Variants in SLC39A11 observed in about 807,000 individuals in gnomAD.
SLC39A11 encodes zinc transporter ZIP11.
In SLC39A11, 33 loss-of-function variants were observed where a neutral mutation model predicts 36.1. The observed-to-expected ratio is 0.91, with a 90% CI of 0.69 to 1.22. SLC39A11 has a LOEUF of 1.22. Among genes scored for constraint, SLC39A11 ranks in the 50% most tolerant of loss-of-function variants. The probability of loss-of-function intolerance (pLI) is 0.00; values close to 1 mark genes in which losing one functional copy is unlikely to be tolerated. For synonymous variants in SLC39A11, 166 were observed against 170.3 expected, an observed-to-expected ratio of 0.97 and a Z score of 0.20; for missense variants, 432 against 430.3, an observed-to-expected ratio of 1.00 and a Z score of -0.03.
intron 4 of SLC39A11, among the ~76,000 whole-genome samples, chr17:72,960,683 G>A (rs1353727187): frequency 1.3e-5 from 2 of 151,908 alleles, no homozygotes; most frequent in Non-Finnish European, 2.9e-5. Flanking sequence ...CGGGTATAGT[G>A]GCATATCTCT....
chr17:73,079,968 G>A (rs951478711), intron 3 of SLC39A11, among the ~76,000 whole-genome samples: 2 of 152,052 alleles, frequency 1.3e-5, no homozygotes, highest in Non-Finnish European at 2.9e-5. Context: ...TACAAGGACT[G>A]CTGAAAAGAA....
rs1374755044 is a variant in SLC39A11, at chr17:72,992,633, T to A, written c.306+38923A>T. Among the ~76,000 whole-genome samples the A allele has an allele frequency of 2.0e-5, 3 of 152,228 alleles. No individual in the cohort carries two copies. The South Asian group carries it at 6.2e-4, about 31-fold the overall frequency. Reference sequence around the variant, plus strand: ...TTGGCTTGAATTTAACTCTATAACGTCTTTTGTCACAGAGAAGTTTGTTTT... The same window carrying A: ...TTGGCTTGAATTTAACTCTATAACGACTTTTGTCACAGAGAAGTTTGTTTT... On this transcript the variant is annotated intron_variant, in intron 4 of 9. Transcript: ENST00000255559.
intron 6 of SLC39A11, among the ~76,000 whole-genome samples, chr17:72,798,431 T>TTTTTG (rs2076972351): frequency 6.6e-6 from 1 of 150,774 alleles, no homozygotes. Flanking sequence ...TTTTTTTTTT[T>TTTTTG]GAGATGGAGC....
intron 5 of SLC39A11, among the ~76,000 whole-genome samples, chr17:72,896,597 A>G (rs1458896219): frequency 1.3e-5 from 2 of 152,180 alleles, no homozygotes; most frequent in Non-Finnish European, 2.9e-5. Context: ...TTCTTCCTCA[A>G]AGAGTTCACA....
intron 7 of SLC39A11, among the ~76,000 whole-genome samples, chr17:72,677,543 G>A (rs553208642): frequency 7.2e-5 from 11 of 152,046 alleles, no homozygotes; most frequent in East Asian, 3.9e-4. Flanking sequence ...GAAGTGACGC[G>A]GCCATCTTTA....
At chr17:72,711,608 G>A (rs1350087495) in intron 7 of SLC39A11, among the ~76,000 whole-genome samples, 1 of 152,296 alleles carries the variant, frequency 6.6e-6, no homozygotes, top group East Asian at 1.9e-4. Flanking sequence ...CTACAGAACT[G>A]GCACTGTAAG....
intron 4 of SLC39A11, among the ~76,000 whole-genome samples, chr17:72,972,435 C>T (rs997428399): frequency 5.3e-5 from 8 of 152,120 alleles, no homozygotes; most frequent in African/African-American, 1.9e-4. Flanking sequence ...TATTTGTGTG[C>T]GTTGCCATCT....
intron 7 of SLC39A11, among the ~76,000 whole-genome samples, chr17:72,711,073 G>A (rs2073088456): frequency 6.6e-6 from 1 of 152,146 alleles, no homozygotes; most frequent in Admixed American, 6.6e-5. Flanking sequence ...TGTGGGTCCT[G>A]CCTACCTTTG....
intron 3 of SLC39A11, among the ~76,000 whole-genome samples, chr17:73,076,178 G>A (rs761533002): frequency 4.7e-5 from 7 of 148,142 alleles, no homozygotes; most frequent in Non-Finnish European, 7.4e-5. Flanking sequence ...AAAAAGTCAA[G>A]GCTAGACACA....
At chr17:72,861,598 G>A (rs1289563197) in intron 5 of SLC39A11, among the ~76,000 whole-genome samples, 1 of 136,260 alleles carries the variant, frequency 7.3e-6, no homozygotes, top group Non-Finnish European at 1.5e-5. Context: ...CAGACAGATG[G>A]ATAAGATATA....
At chr17:73,077,889 C>T (rs993745690) in intron 3 of SLC39A11, among the ~76,000 whole-genome samples, 1 of 152,076 alleles carries the variant, frequency 6.6e-6, no homozygotes, top group Non-Finnish European at 1.5e-5. Context: ...TGTTTCCTTT[C>T]TTGTTTTATT....
intron 4 of SLC39A11, among the ~76,000 whole-genome samples, chr17:73,028,251 G>A (rs553721793): frequency 1.4e-3 from 209 of 152,162 alleles, no homozygotes; most frequent in African/African-American, 4.9e-3. Context: ...TTCTAGCCCT[G>A]CTCCTACCCT....
intron 5 of SLC39A11, among the ~76,000 whole-genome samples, chr17:72,852,596 T>G (rs1181383393): frequency 6.6e-6 from 1 of 152,170 alleles, no homozygotes; most frequent in Non-Finnish European, 1.5e-5. Context: ...TGTGTGCATG[T>G]GTATGTGCGT....
chr17:73,006,851 G>C (rs182087664), intron 4 of SLC39A11, among the ~76,000 whole-genome samples: 261 of 152,256 alleles, frequency 1.7e-3, no homozygotes, highest in Non-Finnish European at 3.3e-3. Flanking sequence ...TGTTAGGGGA[G>C]AGATTAAGGG....
intron 5 of SLC39A11, among the ~76,000 whole-genome samples, chr17:72,873,830 C>G (rs2080764576): frequency 6.6e-6 from 1 of 152,180 alleles, no homozygotes; most frequent in Non-Finnish European, 1.5e-5. Context: ...GTAATAATCC[C>G]CATGTGTCAA....
intron 4 of SLC39A11, among the ~76,000 whole-genome samples, chr17:72,998,074 T>C (rs1307938724): frequency 6.6e-6 from 1 of 152,072 alleles, no homozygotes; most frequent in Non-Finnish European, 1.5e-5. Flanking sequence ...CACCACGGGG[T>C]ATGTAACTGC....
At chr17:73,041,594 T>C (rs1480152422) in intron 3 of SLC39A11, among the ~76,000 whole-genome samples, 1 of 152,226 alleles carries the variant, frequency 6.6e-6, no homozygotes, top group Non-Finnish European at 1.5e-5. Context: ...AGTGATAGTT[T>C]ATGTGCTGGA....
chr17:72,893,442 A>C lies in SLC39A11; in HGVS notation c.431-43638T>G, dbSNP rs181484321. On this transcript the variant is annotated intron_variant, in intron 5 of 9. Transcript: ENST00000255559. ...GCCACTGCACTCCAGCCTGGGCGAC[A>C]CAGCAAGACTGTCTCAGGGAAAAAA... Among the ~76,000 whole-genome samples the C allele has an allele frequency of 4.6e-3, 700 of 151,558 alleles. 5 individuals carry two copies. Among genetic ancestry groups the C allele is most frequent in the Admixed American group, 7.6e-3 (115 of 15,214 alleles).
intron 6 of SLC39A11, among the ~76,000 whole-genome samples, chr17:72,773,769 CCA>C (rs1473335532): frequency 6.6e-6 from 1 of 151,934 alleles, no homozygotes; most frequent in Non-Finnish European, 1.5e-5. Flanking sequence ...ATTTCTATGA[CCA>C]TTAAAATACA....
Sources: gnomAD v4.1 joint callset for allele counts (sites outside exome capture counted in the v4.1 genomes callset) on GRCh38, gnomAD v4.1.1 for gene constraint, MANE v1.5 for transcripts, NCBI Gene and HGNC (gene_info 2026-07-23, HGNC 2026-07-21) for gene names.